DENND4C: variants seen among roughly 807,000 people sequenced by gnomAD.
DENND4C encodes DENN domain-containing protein 4C.
DENND4C carries 108 observed loss-of-function variants against 203.0 expected under a neutral mutation model. That is an observed-to-expected ratio of 0.53 (90% confidence interval 0.46 to 0.62). The LOEUF (loss-of-function observed/expected upper bound fraction) is 0.62, where lower values mean the gene tolerates loss of function less well. DENND4C is among the 20% of genes least tolerant of loss of function. DENND4C has a pLI of 0.00. For synonymous variants in DENND4C, 871 were observed against 792.4 expected (o/e 1.10, Z -1.67); for missense variants, 2,481 against 2,301.2 (o/e 1.08, Z -1.60).
At chr9:19,323,408 C>G (rs556305511) in intron 12 of DENND4C, among the ~76,000 whole-genome samples, 1 of 146,182 alleles carries the variant, frequency 6.8e-6, no homozygotes, top group African/African-American at 2.6e-5. Context: ...CCAGCCTGGG[C>G]GACAGAGCTA....
At chr9:19,359,879 G>A (rs1274031390) in intron 28 of DENND4C, among the ~76,000 whole-genome samples, 2 of 152,142 alleles carry the variant, frequency 1.3e-5, no homozygotes, top group East Asian at 3.8e-4. Flanking sequence ...TCAGTTTAGA[G>A]TTGTAGGAGG....
intron 9 of DENND4C, among the ~76,000 whole-genome samples, chr9:19,302,070 C>T (rs538793360): frequency 6.6e-6 from 1 of 152,272 alleles, no homozygotes; most frequent in South Asian, 2.1e-4. Flanking sequence ...AAAAGTGCTA[C>T]ATGGAATTGG....
intron 1 of DENND4C, among the ~76,000 whole-genome samples, chr9:19,267,704 T>A (rs1199449963): frequency 1.3e-5 from 2 of 151,828 alleles, no homozygotes; most frequent in Non-Finnish European, 2.9e-5. Flanking sequence ...ACCTGGCCAA[T>A]TTTTCTTTAT....
chr9:19,291,740 A>G (rs1348067989), intron 5 of DENND4C, among the ~76,000 whole-genome samples: 1 of 151,976 alleles, frequency 6.6e-6, no homozygotes, highest in African/African-American at 2.4e-5. Context: ...GATAAGACAT[A>G]CATGAAGGGA....
rs116349837 is a variant in DENND4C at position 19,290,015 on chromosome 9, T to G, written c.629-689T>G. Among the ~76,000 whole-genome samples the G allele has an allele frequency of 6.3e-3, 961 of 152,274 alleles. 11 individuals are homozygous for G. The highest frequency in any genetic ancestry group is 0.021 in the African/African-American group (873 of 41,554). On this transcript the variant is annotated intron_variant, in intron 4 of 32. Transcript: ENST00000434457. ...GACACTTATTTTAGAATAGAGAGTT[T>G]TAGATACTGAATTTGGGCTCAAAAT...
At chr9:19,248,070 C>A (rs896448601) in intron 1 of DENND4C, among the ~76,000 whole-genome samples, 1 of 152,120 alleles carries the variant, frequency 6.6e-6, no homozygotes, top group African/African-American at 2.4e-5. Flanking sequence ...TTTGTTCTCA[C>A]AACAGCTAAA....
At chr9:19,355,719 T>C (rs901408447) in intron 26 of DENND4C, among the ~76,000 whole-genome samples, 2 of 152,168 alleles carry the variant, frequency 1.3e-5, no homozygotes, top group Non-Finnish European at 2.9e-5. Flanking sequence ...TGTATTGTTA[T>C]TATTTTTTGT....
At chr9:19,350,450 G>A (rs1438957206) in intron 23 of DENND4C, among the ~76,000 whole-genome samples, 1 of 152,076 alleles carries the variant, frequency 6.6e-6, no homozygotes, top group Non-Finnish European at 1.5e-5. Context: ...ATTCAATATT[G>A]AGAGACACCC....
At chr9:19,253,887 T>C (rs12005657) in intron 1 of DENND4C, among the ~76,000 whole-genome samples, 275 of 152,242 alleles carry the variant, frequency 1.8e-3, no homozygotes, top group African/African-American at 6.2e-3. Context: ...ATTCCTGTAG[T>C]CCCAGTGCTT....
intron 30 of DENND4C, among the ~76,000 whole-genome samples, chr9:19,368,184 T>G (rs764055884): frequency 4.6e-5 from 7 of 152,106 alleles, no homozygotes; most frequent in Non-Finnish European, 8.8e-5. Flanking sequence ...GTCTATCATT[T>G]AGCAGGTGGA....
chr9:19,346,794 G>A lies in DENND4C; in HGVS notation c.4025G>A (p.Ser1342Asn), dbSNP rs1224449173. The stretch of plus-strand genomic sequence containing the variant: ...TCACCAGCACAGGAAAATCCTGAAA[G>A]TGAAAAGAGCTCACCTGCAGTGTCC... ...HGSPAQENPE[S>N]EKSSPAVSRS... The change falls in exon 23 of 33, where the codon AGT becomes AAT. Residue 1342 changes from serine (S) to asparagine (N), a missense_variant. By Grantham distance (46) the Ser-to-Asn change is conservative (BLOSUM62 1). This residue lies in a region of DENND4C where 2,289 missense variants were observed against 2,113.3 expected (regional missense o/e 1.08). Transcript: ENST00000434457. 4 of 1,614,166 alleles carry A rather than the reference G, an allele frequency of 2.5e-6. No homozygotes were observed. The highest frequency in any genetic ancestry group is 3.3e-5 in the Admixed American group (2 of 60,022).
chr9:19,284,169 A>T (rs1312758944), intron 2 of DENND4C, among the ~76,000 whole-genome samples: 2 of 152,164 alleles, frequency 1.3e-5, no homozygotes, highest in Non-Finnish European at 2.9e-5. Context: ...AGTGGGAGCC[A>T]GTGTGCCTAG....
chr9:19,287,161 T>C, intron 3 of DENND4C, 140 bp downstream of exon 3: 2 of 847,952 alleles, frequency 2.4e-6, no homozygotes, highest in South Asian at 1.3e-4. Context: ...TTTTTATGAT[T>C]TGTAATAATT....
At position 19,373,267 on chromosome 9, in the gene DENND4C, A is replaced by G. The variant is rs943242138; in HGVS notation, c.*1094A>G. 3 of 152,250 alleles carry G rather than the reference A, an allele frequency of 2.0e-5. No individual in the cohort carries two copies. The highest frequency in any genetic ancestry group is 2.9e-5 in the Non-Finnish European group (2 of 68,014). 9.4% of individuals were successfully genotyped at this position (152,250 alleles called of 1,614,324 possible). On this transcript the variant is annotated 3_prime_UTR_variant, in exon 33 of 33. Coordinates refer to ENST00000434457, the MANE Select transcript of DENND4C (RefSeq NM_001330640.2). ...TCCAGTTACTTCCATCCTCTTCCCA[A>G]TGTTAATTTGCAATAGTTTTAAAAT...
At chr9:19,366,182 A>G (rs922973505) in intron 30 of DENND4C, among the ~76,000 whole-genome samples, 1 of 152,264 alleles carries the variant, frequency 6.6e-6, no homozygotes, top group Admixed American at 6.5e-5. Context: ...GCAAAGCTAC[A>G]GTAATCAAGA....
chr9:19,370,856 G>A (rs1828698729), intron 31 of DENND4C, among the ~76,000 whole-genome samples: 1 of 152,186 alleles, frequency 6.6e-6, no homozygotes, highest in Non-Finnish European at 1.5e-5. Context: ...ATGTTTCCAT[G>A]GTCCCCTTCA....
At chr9:19,290,934 G>T in intron 5 of DENND4C, 58 bp downstream of exon 5, 1 of 1,494,368 alleles carries the variant, frequency 6.7e-7, no homozygotes. Context: ...TTCATAAAAA[G>T]GTTAATACAA....
chr9:19,330,563 C>T (rs2803119), intron 16 of DENND4C, among the ~76,000 whole-genome samples: 22,724 of 151,668 alleles, frequency 0.15, 1,934 homozygotes, highest in Middle Eastern at 0.35. Context: ...TGATCTCGAT[C>T]TCTTGACCTT....
At chr9:19,239,779 C>T (rs963573892) in intron 1 of DENND4C, among the ~76,000 whole-genome samples, 2 of 152,130 alleles carry the variant, frequency 1.3e-5, no homozygotes, top group Non-Finnish European at 2.9e-5. Flanking sequence ...AGCCACCGTG[C>T]CCAGCCAATT....
Sources: gnomAD v4.1 joint callset for allele counts (sites outside exome capture counted in the v4.1 genomes callset) on GRCh38, gnomAD v4.1.1 for gene constraint, gnomAD v4.1.1 regional missense constraint, MANE v1.5 for transcripts, NCBI Gene and HGNC (gene_info 2026-07-23, HGNC 2026-07-21) for gene names.